The following NLGN4X variants were observed in gnomAD, a reference collection of about 807,000 sequenced individuals.
NLGN4X encodes the protein neuroligin-4, X-linked.
Under a neutral mutation model 40.3 loss-of-function variants are expected in NLGN4X, and 3 were observed. That is an observed-to-expected ratio of 0.07 (90% CI 0.03 to 0.19). The LOEUF (loss-of-function observed/expected upper bound fraction) is 0.19. NLGN4X is among the 10% of genes least tolerant of loss of function. The pLI is 1.00. For synonymous variants in NLGN4X, 270 were observed against 306.8 expected (o/e 0.88, Z 1.25); for missense variants, 382 against 708.3 (o/e 0.54, Z 5.23).
intron 3 of NLGN4X, among the ~76,000 whole-genome samples, chrX:6,010,141 A>G (rs1352229193): frequency 8.9e-6 from 1 of 112,060 alleles, no homozygotes; most frequent in Non-Finnish European, 1.9e-5. Context: ...AGGAGTACAG[A>G]TAAATATCTT....
chrX:6,138,742 T>C (rs2039878864), intron 2 of NLGN4X, among the ~76,000 whole-genome samples: 1 of 110,391 alleles, frequency 9.1e-6, no homozygotes, highest in African/African-American at 3.3e-5. Context: ...AAATACTGTA[T>C]GGTGAAAGAG....
rs961353235 is a variant in NLGN4X at position 5,985,855 on chromosome X, A to G, written c.625+43425T>C. On this transcript the variant is annotated intron_variant, in intron 3 of 5. Coordinates refer to ENST00000381095, the MANE Select transcript of NLGN4X (RefSeq NM_181332.3). ...AAAACAAAGGTAATGTTAACGTCAA[A>G]CTAAACAGACATTAAGGCATGAAGC... Among the ~76,000 whole-genome samples, 3 of 111,742 alleles carry G rather than the reference A, an allele frequency of 2.7e-5. 1 individual carries two copies. The Admixed American group carries it at 2.9e-4, about 11-fold the overall frequency.
chrX:5,896,064 T>A (rs2031470886), intron 5 of NLGN4X, among the ~76,000 whole-genome samples: 1 of 111,892 alleles, frequency 8.9e-6, no homozygotes, highest in African/African-American at 3.2e-5. Flanking sequence ...TCTACCTTTT[T>A]TTCCATGGAT....
At chrX:6,056,781 T>C (rs367871583) in intron 2 of NLGN4X, among the ~76,000 whole-genome samples, 17 of 111,977 alleles carry the variant, frequency 1.5e-4, no homozygotes, top group African/African-American at 5.5e-4. Context: ...TGAATCCTAG[T>C]TATGAATCTA....
intron 3 of NLGN4X, among the ~76,000 whole-genome samples, chrX:6,006,776 T>C (rs1030221642): frequency 2.7e-5 from 3 of 111,897 alleles, no homozygotes; most frequent in African/African-American, 9.7e-5. Flanking sequence ...TGAATGACAT[T>C]TTGAAAAACG....
intron 3 of NLGN4X, among the ~76,000 whole-genome samples, chrX:5,964,077 G>A (rs1201987512): frequency 8.9e-6 from 1 of 111,918 alleles, no homozygotes; most frequent in Non-Finnish European, 1.9e-5. Flanking sequence ...GTGTATTTAA[G>A]TTAGGTCTTG....
rs768517214 is a variant in NLGN4X, at chrX:5,890,719, G to T, written c.*2098C>A. On this transcript the variant is annotated 3_prime_UTR_variant, in exon 6 of 6. Transcript: ENST00000381095. Reference sequence around the variant, plus strand: ...CTGTAGGAAAGAAATGTTGCTTCACGTGTGCTAAGTTGAGATAATAATATT... The same window carrying T: ...CTGTAGGAAAGAAATGTTGCTTCACTTGTGCTAAGTTGAGATAATAATATT... 344 of 310,068 alleles carry T rather than the reference G, an allele frequency of 1.1e-3. 1 individual carries two copies. Among genetic ancestry groups the T allele is most frequent in the Middle Eastern group, 2.1e-3 (2 of 942 alleles). 25.6% of individuals were successfully genotyped at this position (310,068 alleles called of 1,213,427 possible).
chrX:6,051,785 G>A (rs2037499732), intron 2 of NLGN4X, among the ~76,000 whole-genome samples: 1 of 111,026 alleles, frequency 9.0e-6, no homozygotes, highest in Non-Finnish European at 1.9e-5. Context: ...TTATGACTCA[G>A]AAGGACCTAA....
intron 1 of NLGN4X, among the ~76,000 whole-genome samples, chrX:6,179,918 T>C (rs115523991): frequency 0.012 from 1,319 of 111,744 alleles, 26 homozygotes; most frequent in African/African-American, 0.041. Flanking sequence ...CCTTACTCCT[T>C]CGTATCTTCT....
chrX:6,043,054 C>T (rs760011015), intron 2 of NLGN4X, among the ~76,000 whole-genome samples: 15 of 105,814 alleles, frequency 1.4e-4, no homozygotes, highest in Non-Finnish European at 2.7e-4. Flanking sequence ...CTAGCCTGCA[C>T]GACAGAGTGA....
intron 2 of NLGN4X, among the ~76,000 whole-genome samples, chrX:6,044,243 A>G (rs1341253711): frequency 8.9e-6 from 1 of 111,857 alleles, no homozygotes; most frequent in African/African-American, 3.3e-5. Context: ...TAATTGTGGC[A>G]CTGCACTCCA....
At chrX:5,912,832 AGAGGGAAG>A (rs1287821950) in intron 3 of NLGN4X, among the ~76,000 whole-genome samples, 2 of 92,211 alleles carry the variant, frequency 2.2e-5, no homozygotes, top group African/African-American at 4.0e-5. Flanking sequence ...TGGAGCAGGG[AGAGGGAAG>A]GAGGGAAGGA....
intron 1 of NLGN4X, among the ~76,000 whole-genome samples, chrX:6,154,509 G>A (rs1281886136): frequency 1.8e-5 from 2 of 109,121 alleles, no homozygotes; most frequent in Admixed American, 9.8e-5. Flanking sequence ...CATCCTTGTG[G>A]GGAAAAAAAA....
At chrX:6,158,106 T>C (rs1222979989) in intron 1 of NLGN4X, among the ~76,000 whole-genome samples, 7 of 112,064 alleles carry the variant, frequency 6.2e-5, no homozygotes, top group Non-Finnish European at 1.3e-4. Context: ...CTAAATCAAA[T>C]GATTTGCAGA....
chrX:5,933,209 C>G (rs1181556340), intron 3 of NLGN4X, among the ~76,000 whole-genome samples: 4 of 111,432 alleles, frequency 3.6e-5, no homozygotes, highest in African/African-American at 1.3e-4. Context: ...AAATACTTAT[C>G]AAAGAATATA....
intron 2 of NLGN4X, among the ~76,000 whole-genome samples, chrX:6,148,936 C>T (rs1250747805): frequency 8.9e-6 from 1 of 112,046 alleles, no homozygotes; most frequent in Non-Finnish European, 1.9e-5. Context: ...TTTGAACTCT[C>T]ACCAGCAAAA....
Position 5,914,707 on chromosome X carries a change from T to C in NLGN4X, c.626-5468A>G, listed in dbSNP as rs766054235. ...ACACAGACATACATTTGTGCACCTT[T>C]AAACTAAAGAAGTGACACCAAACAG... On this transcript the variant is annotated intron_variant, in intron 3 of 5. Transcript: ENST00000381095. 2.7e-5 allele frequency among the ~76,000 whole-genome samples: 3 copies of C among 110,809 alleles called. No individual in the cohort carries two copies. In the East Asian group the frequency reaches 8.4e-4, roughly 31 times the overall value.
intron 2 of NLGN4X, among the ~76,000 whole-genome samples, chrX:6,082,374 A>G (rs956887193): frequency 3.7e-5 from 4 of 106,742 alleles, no homozygotes; most frequent in African/African-American, 1.4e-4. Context: ...TGTCTCCACA[A>G]AAAAAAAAAT....
intron 2 of NLGN4X, among the ~76,000 whole-genome samples, chrX:6,121,920 T>A (rs72609516): frequency 0.05 from 5,630 of 112,246 alleles, 148 homozygotes; most frequent in East Asian, 0.18. Context: ...ATGAAGAAGG[T>A]CACAGTGCAA....
Sources: gnomAD v4.1 joint callset for allele counts (sites outside exome capture counted in the v4.1 genomes callset) on GRCh38, gnomAD v4.1.1 for gene constraint, MANE v1.5 for transcripts, NCBI Gene and HGNC (gene_info 2026-07-23, HGNC 2026-07-21) for gene names.